RACK1: variants seen among roughly 807,000 people sequenced by gnomAD.
The protein encoded by RACK1 is receptor for activated C kinase 1, also known as small ribosomal subunit protein RACK1.
In RACK1, 3 loss-of-function variants were observed where a neutral mutation model predicts 42.2. The observed-to-expected ratio is 0.07, with a 90% CI of 0.03 to 0.18. RACK1 has a LOEUF of 0.18. Among genes scored for constraint, RACK1 ranks in the 10% least tolerant of loss-of-function variants. The pLI is 1.00. For missense variants in RACK1, 146 were observed against 403.2 expected, an observed-to-expected ratio of 0.36 and a Z score of 5.46; for synonymous variants, 181 against 154.8, an observed-to-expected ratio of 1.17 and a Z score of -1.25.
chr5:181,243,471 A>C, intron 1 of RACK1: 1 of 1,477,410 alleles, frequency 6.8e-7, no homozygotes, highest in Non-Finnish European at 9.0e-7. Flanking sequence ...AGCAGCTGCG[A>C]GCTGATGTAC....
chr5:181,239,379 A>G (rs781523091), intron 4 of RACK1, 108 bp downstream of exon 4: 1 of 834,882 alleles, frequency 1.2e-6, no homozygotes, highest in Non-Finnish European at 2.1e-6. Flanking sequence ...GTGACAAGAG[A>G]AAGAGTCAAC....
At position 181,243,202 on chromosome 5, in the gene RACK1, A is replaced by G. The variant is rs1378114509; in HGVS notation, c.109+490T>C. The G allele has an allele frequency of 3.5e-6, 4 of 1,151,348 alleles. No individual in the cohort carries two copies. In the East Asian group the frequency reaches 1.7e-4, roughly 49 times the overall value. The allele number at this position is 1,151,348 out of a possible 1,614,324, so 71.3% of individuals were successfully genotyped here. A position where few individuals can be genotyped will look rare whatever the true frequency, so the allele number is the denominator to read the frequency against. ...CAAGAAGCGTCTAAACGCAGTCAGG[A>G]ACACAGGGATAGGGACGGGGAGAAC... On this transcript the variant is annotated intron_variant, in intron 1 of 7. Coordinates refer to ENST00000512805, the MANE Select transcript of RACK1 (RefSeq NM_006098.5).
chr5:181,243,661 C>G (rs1476961288), intron 1 of RACK1, 31 bp downstream of exon 1: 1 of 1,563,992 alleles, frequency 6.4e-7, no homozygotes, highest in African/African-American at 1.4e-5. Context: ...GCCCTGCAAT[C>G]TCGGGTCCTG....
intron 4 of RACK1, 34 bp downstream of exon 4, chr5:181,239,453 A>C: frequency 1.3e-6 from 2 of 1,485,062 alleles, no homozygotes; most frequent in Non-Finnish European, 1.9e-6. Flanking sequence ...GCACACCCTG[A>C]CTGGTAAAGC....
chr5:181,243,902 G>A lies in RACK1; in HGVS notation c.-102C>T, dbSNP rs750045936. ...CTCCTGCCGCCGCCTTGCAGTGAAA[G>A]AGAGAGAGAAAAGCCCCCCGCCGGA... On this transcript the variant is annotated 5_prime_UTR_variant, in exon 1 of 8. Transcript: ENST00000512805. 5.0e-5 allele frequency: 72 copies of A among 1,446,088 alleles called. No homozygotes were observed. The highest frequency in any genetic ancestry group is 1.2e-4 in the African/African-American group (8 of 69,318). The allele number at this position is 1,446,088 out of a possible 1,614,324, so 89.6% of individuals were successfully genotyped here.
At chr5:181,242,465 A>C in intron 1 of RACK1, 120 bp from the exon 2 acceptor site, 2 of 699,128 alleles carry the variant, frequency 2.9e-6, no homozygotes, top group South Asian at 3.4e-5. Context: ...ACGCTTAAGG[A>C]GGGATGGAAA....
chr5:181,243,558 G>C (rs1759438130), intron 1 of RACK1, 134 bp downstream of exon 1: 4 of 1,401,120 alleles, frequency 2.9e-6, no homozygotes, highest in Admixed American at 4.3e-5. Flanking sequence ...ATTCACAATG[G>C]GGCAGAGAAG....
At chr5:181,237,464 C>G (rs930706676) in intron 7 of RACK1, 145 bp downstream of exon 7, 1 of 671,946 alleles carries the variant, frequency 1.5e-6, no homozygotes, top group Non-Finnish European at 2.7e-6. Flanking sequence ...GCATGGCAAA[C>G]GAGGGCATCC....
At chr5:181,242,920 G>A in intron 1 of RACK1, 1 of 328,580 alleles carries the variant, frequency 3.0e-6, no homozygotes, top group South Asian at 2.3e-5. Flanking sequence ...AAACTCAGAC[G>A]AACTCAACAG....
At position 181,238,231 on chromosome 5, in the gene RACK1, C is replaced by G. The variant is rs767043301; in HGVS notation, c.645G>C (p.Gln215His). ...CTTCGTTGAGATCCCATAACATGGC[C>G]TGGCCATCCTGGACACAGGTAAGGT... ...SLCASGGKDG[Q>H]AMLWDLNEGK... The change falls in exon 6 of 8, where the codon CAG becomes CAC. Residue 215 changes from glutamine (Q) to histidine (H), a missense_variant. Coordinates refer to ENST00000512805, the MANE Select transcript of RACK1 (RefSeq NM_006098.5). 1 of 1,613,892 alleles carries G rather than the reference C, an allele frequency of 6.2e-7. No individual in the cohort carries two copies.
intron 6 of RACK1, 113 bp downstream of exon 6, chr5:181,237,986 A>C: frequency 8.9e-7 from 1 of 1,121,338 alleles, no homozygotes; most frequent in African/African-American, 1.5e-5. Flanking sequence ...CATTACGTGG[A>C]GGCTGAGAAA....
Position 181,238,816 on chromosome 5 carries a change from C to A in RACK1, c.636+251G>T, listed in dbSNP as rs6888852. 725 of 454,510 alleles carry A rather than the reference C, an allele frequency of 1.6e-3. 2 individuals are homozygous for A. In the African/African-American group the frequency reaches 0.018, roughly 11 times the overall value. 28.2% of individuals were successfully genotyped at this position (454,510 alleles called of 1,614,324 possible). On this transcript the variant is annotated intron_variant, in intron 5 of 7. Coordinates refer to ENST00000512805, the MANE Select transcript of RACK1 (RefSeq NM_006098.5). ...TCCGTCTCAAAAAAAAAACAAAAAA[C>A]AAACAAACAAAAAAACAACAAAAAA...
rs1384140917 is a variant in RACK1 at position 181,241,322 on chromosome 5, CG to C, written c.429+169del. 6.5e-6 allele frequency: 4 copies of C among 611,878 alleles called. No homozygotes were observed. The African/African-American group carries it at 7.5e-5, about 12-fold the overall frequency. 37.9% of individuals were successfully genotyped at this position (611,878 alleles called of 1,614,324 possible). A position where few individuals can be genotyped will look rare whatever the true frequency, so the allele number is the denominator to read the frequency against. ...CTGCGCACCTGTAGTACCAGCTACT[CG>C]GGAGACTGAGGCACCAGAATCCCTT... On this transcript the variant is annotated intron_variant, in intron 3 of 7. Coordinates refer to ENST00000512805, the MANE Select transcript of RACK1 (RefSeq NM_006098.5).
chr5:181,242,555 C>T, intron 1 of RACK1: 1 of 666,604 alleles, frequency 1.5e-6, no homozygotes, highest in South Asian at 1.5e-5. Flanking sequence ...AAACTGTACC[C>T]TGATAACTTT....
rs770888007 is a variant in RACK1, at chr5:181,242,589, GCT to G, written c.110-246_110-245del. The G allele has an allele frequency of 4.2e-5, 23 of 552,776 alleles. 1 individual carries two copies. The highest frequency in any genetic ancestry group is 3.1e-4 in the South Asian group (20 of 64,978). 34.2% of individuals were successfully genotyped at this position (552,776 alleles called of 1,614,324 possible). Reference sequence around the variant, plus strand: ...TTTTTTTTTCTTGAGATGGAGTCTCGCTCTGTCGCCCAGGCTGGAGTGCAGTG... The same window carrying G: ...TTTTTTTTTCTTGAGATGGAGTCTCGCTGTCGCCCAGGCTGGAGTGCAGTG... On this transcript the variant is annotated intron_variant, in intron 1 of 7. Coordinates refer to ENST00000512805, the MANE Select transcript of RACK1 (RefSeq NM_006098.5).
intron 3 of RACK1, 136 bp from the exon 4 acceptor site, chr5:181,239,718 A>T: frequency 1.7e-6 from 1 of 597,360 alleles, no homozygotes; most frequent in Non-Finnish European, 3.0e-6. Flanking sequence ...TAAGCTCAAT[A>T]GAATCCCTTT....
Position 181,240,723 on chromosome 5 carries a change from G to T in RACK1, c.429+769C>A, listed in dbSNP as rs1056713357. Among the ~76,000 whole-genome samples the T allele has an allele frequency of 6.6e-5, 10 of 152,028 alleles. No individual in the cohort carries two copies. The Middle Eastern group carries it at 0.01, about 155-fold the overall frequency. Reference sequence around the variant, plus strand: ...TAAATAAAATTTTGTTTAAATAGATGGGGTCTCACTATGTTGGCCAGGCTG... The same window carrying T: ...TAAATAAAATTTTGTTTAAATAGATTGGGTCTCACTATGTTGGCCAGGCTG... On this transcript the variant is annotated intron_variant, in intron 3 of 7. Transcript: ENST00000512805.
rs116839909 is a variant in RACK1, at chr5:181,239,729, A to T, written c.430-147T>A. On this transcript the variant is annotated intron_variant, in intron 3 of 7. Coordinates refer to ENST00000512805, the MANE Select transcript of RACK1 (RefSeq NM_006098.5). ...CCTTTAAGCTCAATAGAATCCCTTT[A>T]GATTCCAGACAAGAAAATTTTTTAA... The T allele has an allele frequency of 2.3e-3, 1,320 of 573,590 alleles. 8 individuals are homozygous for T. Among genetic ancestry groups the T allele is most frequent in the African/African-American group, 0.017 (935 of 53,634 alleles). 35.5% of individuals were successfully genotyped at this position (573,590 alleles called of 1,614,324 possible).
chr5:181,237,699 A>T lies in RACK1; in HGVS notation c.798T>A (p.Ile266=). The T allele has an allele frequency of 1.2e-6, 2 of 1,606,264 alleles. No homozygotes were observed. The highest frequency in any genetic ancestry group is 2.7e-5 in the African/African-American group (2 of 74,892). Reference sequence around the variant, plus strand: ...TAACTTCTTGCTTCAGTTCATCTACAATGATCTTTCCCTCTAAATCCTGGG... The same window carrying T: ...TAACTTCTTGCTTCAGTTCATCTACTATGATCTTTCCCTCTAAATCCTGGG... ...IKIWDLEGKI[I]VDELKQEVIS... is the part of the protein sequence containing the mutation. The change falls in exon 7 of 8, where the codon ATT becomes ATA. Residue 266 remains isoleucine (I), a synonymous_variant. Transcript: ENST00000512805.
Sources: allele counts gnomAD v4.1 joint callset (sites outside exome capture counted in the v4.1 genomes callset), GRCh38; gene constraint gnomAD v4.1.1; transcripts MANE v1.5; gene names NCBI Gene and HGNC (gene_info 2026-07-23, HGNC 2026-07-21).